The following MRRF variants were observed in gnomAD, a reference collection of about 807,000 sequenced individuals.
The protein encoded by MRRF is ribosome-recycling factor, mitochondrial.
Under a neutral mutation model 25.1 loss-of-function variants are expected in MRRF, and 18 were observed. The observed-to-expected ratio is 0.72, with a 90% CI of 0.50 to 1.06. The LOEUF (loss-of-function observed/expected upper bound fraction) is 1.06. Among genes scored for constraint, MRRF ranks in the 50% least tolerant of loss-of-function variants. The pLI, the probability that MRRF is intolerant of heterozygous loss-of-function variation, is 0.00. For missense variants in MRRF, 323 were observed against 319.3 expected (o/e 1.01, Z -0.09); for synonymous variants, 113 against 112.1 (o/e 1.01, Z -0.05).
At chr9:122,297,985 C>A (rs574922771) in intron 5 of MRRF, among the ~76,000 whole-genome samples, 1 of 152,152 alleles carries the variant, frequency 6.6e-6, no homozygotes, top group Non-Finnish European at 1.5e-5. Flanking sequence ...ATACTGTATT[C>A]TAGGCTCTAT....
chr9:122,288,236 A>C (rs1833533000), intron 4 of MRRF, among the ~76,000 whole-genome samples: 1 of 150,492 alleles, frequency 6.6e-6, no homozygotes, highest in Admixed American at 6.6e-5. Flanking sequence ...AACAAGCCAA[A>C]TGAAAAAAAA....
chr9:122,269,104 T>C (rs1832293569), intron 1 of MRRF, among the ~76,000 whole-genome samples: 2 of 150,904 alleles, frequency 1.3e-5, no homozygotes, highest in Non-Finnish European at 3.0e-5. Context: ...AGGCGGAGCT[T>C]GCAGTGAGCC....
intron 5 of MRRF, among the ~76,000 whole-genome samples, chr9:122,296,570 G>C (rs1834097520): frequency 6.6e-6 from 1 of 152,184 alleles, no homozygotes; most frequent in Non-Finnish European, 1.5e-5. Flanking sequence ...AGCAGGGTTA[G>C]AATTGGGGTC....
Position 122,322,790 on chromosome 9 carries a change from C to A in MRRF, c.*173C>A. 1 of 693,404 alleles carries A rather than the reference C, an allele frequency of 1.4e-6. No individual in the cohort carries two copies. The highest frequency in any genetic ancestry group is 1.6e-5 in the South Asian group (1 of 62,878). 43.0% of individuals were successfully genotyped at this position (693,404 alleles called of 1,614,324 possible). ...GGGAACACTCAGACATGTTCATTCTCTTCCTGCTTCTGCTCTGGGCCGGTG... is the reference window on the plus strand; with the variant it reads ...GGGAACACTCAGACATGTTCATTCTATTCCTGCTTCTGCTCTGGGCCGGTG... On this transcript the variant is annotated 3_prime_UTR_variant, in exon 7 of 7. Transcript: ENST00000344641.
chr9:122,312,534 G>A (rs530737949), intron 5 of MRRF, among the ~76,000 whole-genome samples: 7 of 152,210 alleles, frequency 4.6e-5, no homozygotes, highest in South Asian at 2.1e-4. Context: ...GTCCTTCCTT[G>A]AGCAAGAACC....
chr9:122,292,180 G>T (rs2118807288), intron 5 of MRRF, among the ~76,000 whole-genome samples: 1 of 152,314 alleles, frequency 6.6e-6, no homozygotes, highest in South Asian at 2.1e-4. Flanking sequence ...GAGTGACTTG[G>T]TAAGGATGAT....
At chr9:122,286,757 C>A (rs991624031) in intron 4 of MRRF, among the ~76,000 whole-genome samples, 5 of 152,116 alleles carry the variant, frequency 3.3e-5, no homozygotes, top group Non-Finnish European at 7.4e-5. Context: ...AAGATTTTGT[C>A]AGTTGTCATT....
At chr9:122,316,713 C>T (rs990434702) in intron 6 of MRRF, among the ~76,000 whole-genome samples, 1 of 151,534 alleles carries the variant, frequency 6.6e-6, no homozygotes, top group African/African-American at 2.4e-5. Context: ...ACTTTTGTTC[C>T]TTATTATCAA....
At chr9:122,265,826 C>T (rs1189546258) in intron 1 of MRRF, 5 of 1,118,824 alleles carry the variant, frequency 4.5e-6, no homozygotes, top group African/African-American at 1.6e-5. Flanking sequence ...GGCAAAAGCC[C>T]TTTCTCTACC....
chr9:122,313,520 G>A, intron 6 of MRRF, 134 bp downstream of exon 6: 3 of 1,056,330 alleles, frequency 2.8e-6, no homozygotes, highest in Non-Finnish European at 1.4e-6. Flanking sequence ...CTGAGTCTCT[G>A]TTCTGGGCCT....
Position 122,280,532 on chromosome 9 carries a change from A to G in MRRF, c.274A>G (p.Met92Val), listed in dbSNP as rs781098632. 9.2e-5 allele frequency: 148 copies of G among 1,613,958 alleles called. No homozygotes were observed. Among genetic ancestry groups the G allele is most frequent in the Non-Finnish European group, 1.2e-4 (144 of 1,179,912 alleles). The part of the protein sequence containing the change: ...IINLEEVNEE[M>V]KSVIEALKDN... ...CAACTTGGAAGAGGTGAATGAAGAA[A>G]TGAAGTCTGTGATAGAAGCTCTCAA... Residue 92 changes from methionine to valine, a missense_variant, in exon 3 of 7, where the codon ATG (methionine) becomes GTG (valine). Coordinates refer to ENST00000344641, the MANE Select transcript of MRRF (RefSeq NM_138777.5).
chr9:122,287,514 GCCT>G (rs1213456676), intron 4 of MRRF, among the ~76,000 whole-genome samples: 1 of 151,746 alleles, frequency 6.6e-6, no homozygotes, highest in Non-Finnish European at 1.5e-5. Context: ...TTAGGGAATA[GCCT>G]CCTAATTACA....
intron 1 of MRRF, among the ~76,000 whole-genome samples, chr9:122,269,532 C>T (rs917698723): frequency 1.6e-4 from 25 of 152,092 alleles, no homozygotes; most frequent in African/African-American, 5.3e-4. Context: ...CAAGACCAGC[C>T]TGGGCAACAT....
chr9:122,314,947 G>T (rs1339765109), intron 6 of MRRF, among the ~76,000 whole-genome samples: 1 of 152,088 alleles, frequency 6.6e-6, no homozygotes, highest in African/African-American at 2.4e-5. Flanking sequence ...GGCTGGATAG[G>T]GAGTGAAGAG....
At chr9:122,309,654 A>C (rs566947745) in intron 5 of MRRF, among the ~76,000 whole-genome samples, 24 of 152,280 alleles carry the variant, frequency 1.6e-4, no homozygotes, top group Middle Eastern at 3.4e-3. Context: ...TAATTTATTC[A>C]TTAATTTGCA....
chr9:122,299,652 G>A (rs1824112003), intron 5 of MRRF, among the ~76,000 whole-genome samples: 1 of 152,102 alleles, frequency 6.6e-6, no homozygotes, highest in Non-Finnish European at 1.5e-5. Context: ...ACACTTCAAG[G>A]TTTGGGGATC....
intron 2 of MRRF, among the ~76,000 whole-genome samples, chr9:122,278,445 CT>C (rs1476661428): frequency 6.6e-6 from 1 of 151,062 alleles, no homozygotes; most frequent in Non-Finnish European, 1.5e-5. Context: ...TTTTTTTTTA[CT>C]TTTCAGTTTA....
At chr9:122,307,045 C>T (rs903942256) in intron 5 of MRRF, among the ~76,000 whole-genome samples, 4 of 152,084 alleles carry the variant, frequency 2.6e-5, no homozygotes, top group Non-Finnish European at 4.4e-5. Context: ...CATTAATGTA[C>T]GTAAAACAGG....
Position 122,322,679 on chromosome 9 carries a change from A to G in MRRF, c.*62A>G, listed in dbSNP as rs1835963458. On this transcript the variant is annotated 3_prime_UTR_variant, in exon 7 of 7. Transcript: ENST00000344641. ...TTCTGCTGGATCCCATGGGTGGCAC[A>G]TTGGGACTTCTCTCCCTCCCCCATC... The G allele has an allele frequency of 6.9e-7, 1 of 1,448,632 alleles. No homozygotes were observed. The highest frequency in any genetic ancestry group is 1.4e-5 in the African/African-American group (1 of 71,464). The allele number at this position is 1,448,632 out of a possible 1,614,324, so 89.7% of individuals were successfully genotyped here. A position where few individuals can be genotyped will look rare whatever the true frequency, so the allele number is the denominator to read the frequency against.
Sources: gnomAD v4.1 joint callset for allele counts (sites outside exome capture counted in the v4.1 genomes callset) on GRCh38, gnomAD v4.1.1 for gene constraint, MANE v1.5 for transcripts, NCBI Gene and HGNC (gene_info 2026-07-23, HGNC 2026-07-21) for gene names.